Variants in PRDM10 observed in about 807,000 individuals in gnomAD.
PRDM10 encodes PR/SET domain 10, also known as PR domain zinc finger protein 10.
Under a neutral mutation model 133.1 loss-of-function variants are expected in PRDM10, and 65 were observed. That is an observed-to-expected ratio of 0.49 (90% CI 0.40 to 0.60). The LOEUF is 0.60. Ranked by LOEUF, PRDM10 falls within the 20% of genes least tolerant of loss-of-function variation. The pLI is 0.00. For synonymous variants in PRDM10, 582 were observed against 580.4 expected, an observed-to-expected ratio of 1.00 and a Z score of -0.04; for missense variants, 1,137 against 1,507.1, an observed-to-expected ratio of 0.75 and a Z score of 4.07.
chr11:129,978,495 C>T (rs987621375), intron 1 of PRDM10, among the ~76,000 whole-genome samples: 2 of 152,180 alleles, frequency 1.3e-5, no homozygotes, highest in Non-Finnish European at 2.9e-5. Context: ...ACTGTATAAC[C>T]AGAAGAGAAC....
chr11:129,906,830 T>C (rs904636175), intron 19 of PRDM10, among the ~76,000 whole-genome samples: 10 of 151,850 alleles, frequency 6.6e-5, no homozygotes, highest in African/African-American at 2.4e-4. Flanking sequence ...ATACAAAAAT[T>C]AGCCAGGCAT....
At chr11:129,978,335 T>A (rs887347536) in intron 1 of PRDM10, among the ~76,000 whole-genome samples, 1 of 152,168 alleles carries the variant, frequency 6.6e-6, no homozygotes, top group Non-Finnish European at 1.5e-5. Context: ...AAAAAAGCCT[T>A]CAGAAACTGG....
chr11:129,940,897 T>C (rs1166137458), intron 7 of PRDM10, among the ~76,000 whole-genome samples: 1 of 152,246 alleles, frequency 6.6e-6, no homozygotes, highest in Non-Finnish European at 1.5e-5. Flanking sequence ...AACTGTTATA[T>C]TCTTATTTGT....
chr11:129,977,149 A>G (rs1937804089), intron 1 of PRDM10, among the ~76,000 whole-genome samples: 2 of 151,972 alleles, frequency 1.3e-5, no homozygotes, highest in African/African-American at 4.8e-5. Context: ...GGCCAGCCTG[A>G]GTCCCTCCAG....
intron 2 of PRDM10, among the ~76,000 whole-genome samples, chr11:129,958,503 G>C (rs1473730346): frequency 2.0e-5 from 3 of 152,178 alleles, no homozygotes; most frequent in African/African-American, 7.2e-5. Context: ...AATTAGCTGG[G>C]CATGGTGGGG....
chr11:129,910,258 T>C (rs889961122), intron 19 of PRDM10, among the ~76,000 whole-genome samples: 1 of 152,194 alleles, frequency 6.6e-6, no homozygotes, highest in Non-Finnish European at 1.5e-5. Context: ...CCTCCAGCAA[T>C]ATACCTGACG....
chr11:129,962,770 A>G (rs1028648444), intron 1 of PRDM10, among the ~76,000 whole-genome samples: 63 of 152,328 alleles, frequency 4.1e-4, no homozygotes, highest in African/African-American at 1.5e-3. Context: ...ATTTAAAAAT[A>G]TATACAAAGA....
chr11:129,921,398 G>A (rs1163453239), intron 13 of PRDM10, among the ~76,000 whole-genome samples: 3 of 152,166 alleles, frequency 2.0e-5, no homozygotes, highest in African/African-American at 7.2e-5. Context: ...CAAGGAGAGA[G>A]AGTATGCCAC....
rs996369099 is a variant in PRDM10, at chr11:129,945,154, C to T, written c.521-142G>A. 7 of 998,230 alleles carry T rather than the reference C, an allele frequency of 7.0e-6. No individual in the cohort carries two copies. The highest frequency in any genetic ancestry group is 1.5e-5 in the South Asian group (1 of 64,776). The allele number at this position is 998,230 out of a possible 1,614,324, so 61.8% of individuals were successfully genotyped here. The stretch of plus-strand genomic sequence containing the variant: ...ACTCCTAATGGCGCTACCCATTCAA[C>T]GGTAATACATTCTCTCTGGGAGACC... On this transcript the variant is annotated intron_variant, in intron 5 of 20. Coordinates refer to ENST00000360871, the MANE Select transcript of PRDM10 (RefSeq NM_199437.2). The surrounding 1 kb of genome is among the most constrained non-coding windows in gnomAD (Gnocchi z 4.2).
At chr11:129,903,996 G>T (rs977950160) in intron 20 of PRDM10, among the ~76,000 whole-genome samples, 4 of 151,828 alleles carry the variant, frequency 2.6e-5, no homozygotes, top group African/African-American at 9.7e-5. Context: ...GTCCTACAGG[G>T]AACAAAAAAT....
intron 4 of PRDM10, among the ~76,000 whole-genome samples, chr11:129,953,426 T>C (rs1459723893): frequency 6.6e-6 from 1 of 152,024 alleles, no homozygotes; most frequent in Admixed American, 6.6e-5. Context: ...CCCGAGTAGC[T>C]GGGATTACAG....
intron 3 of PRDM10, among the ~76,000 whole-genome samples, chr11:129,956,216 G>T (rs1480268431): frequency 2.0e-5 from 3 of 152,150 alleles, no homozygotes; most frequent in African/African-American, 4.8e-5. Flanking sequence ...TGTAGCCAGG[G>T]CACCACAGTT....
Position 129,910,460 on chromosome 11 carries a change from G to A in PRDM10, c.3163+16C>T, listed in dbSNP as rs778778503. The A allele has an allele frequency of 5.6e-6, 9 of 1,613,476 alleles. No homozygotes were observed. The highest frequency in any genetic ancestry group is 2.2e-5 in the South Asian group (2 of 91,042). On this transcript the variant is annotated intron_variant, in intron 19 of 20. Transcript: ENST00000360871. Reference sequence around the variant, plus strand: ...CCCCACCCCTGACCGACACGGCATCGTCCCTTCTTACTTACAATAGCCACG... The same window carrying A: ...CCCCACCCCTGACCGACACGGCATCATCCCTTCTTACTTACAATAGCCACG...
In PRDM10 at chr11:129,999,238, G is replaced by T. The variant is rs1591713577; in HGVS notation, c.-119+3484C>A. 2.6e-5 allele frequency among the ~76,000 whole-genome samples: 4 copies of T among 152,156 alleles called. No homozygotes were observed. The East Asian group carries it at 7.7e-4, about 29-fold the overall frequency. On this transcript the variant is annotated intron_variant, in intron 1 of 20. Coordinates refer to ENST00000360871, the MANE Select transcript of PRDM10 (RefSeq NM_199437.2). ...CAGCGAAGAGATAAGTGTCACCAATGAGGGCCAAAATAAGTCACGAAAAGT... is the reference window on the plus strand; with the variant it reads ...CAGCGAAGAGATAAGTGTCACCAATTAGGGCCAAAATAAGTCACGAAAAGT...
Position 129,902,395 on chromosome 11 carries a change from C to T in PRDM10, c.3389G>A (p.Ser1130Asn). The T allele has an allele frequency of 6.2e-7, 1 of 1,614,134 alleles. No individual in the cohort carries two copies. The highest frequency in any genetic ancestry group is 8.5e-7 in the Non-Finnish European group (1 of 1,179,998). The change falls in exon 21 of 21, where the codon AGC (serine) becomes AAC (asparagine). Residue 1130 changes from serine (S) to asparagine (N), a missense_variant. By Grantham distance (46) the Ser-to-Asn change is conservative. This residue lies in a region of PRDM10 where 243 missense variants were observed against 259.2 expected (regional missense o/e 0.94). Coordinates refer to ENST00000360871, the MANE Select transcript of PRDM10 (RefSeq NM_199437.2). ...HSDSLDPQTN[S>N]QQQTTQYIIT... is the part of the protein sequence containing the mutation. ...GATGTACTGTGTGGTCTGCTGTTGG[C>T]TGTTGGTCTGGGGGTCCAGGGAGTC...
intron 17 of PRDM10, among the ~76,000 whole-genome samples, chr11:129,912,692 C>A (rs1461327125): frequency 1.3e-5 from 2 of 150,202 alleles, no homozygotes; most frequent in African/African-American, 4.9e-5. Context: ...GCGGAGCTTG[C>A]AGTGAGCTGG....
intron 13 of PRDM10, among the ~76,000 whole-genome samples, chr11:129,920,805 A>G (rs1405554697): frequency 1.3e-5 from 2 of 151,888 alleles, no homozygotes; most frequent in African/African-American, 4.8e-5. Context: ...AATCCCTCTC[A>G]CAGCATTTTT....
At chr11:129,909,185 C>T (rs962429065) in intron 19 of PRDM10, among the ~76,000 whole-genome samples, 11 of 151,888 alleles carry the variant, frequency 7.2e-5, no homozygotes, top group African/African-American at 2.7e-4. Context: ...CACAGTGGCT[C>T]ATGCCTGTAA....
intron 1 of PRDM10, among the ~76,000 whole-genome samples, chr11:129,994,569 T>C (rs1938939711): frequency 6.6e-6 from 1 of 151,778 alleles, no homozygotes. Context: ...ACCCAGGAGT[T>C]AGAGACCAGC....
Sources: allele counts gnomAD v4.1 joint callset (sites outside exome capture counted in the v4.1 genomes callset), GRCh38; gene constraint gnomAD v4.1.1; regional missense constraint gnomAD v4.1.1; non-coding constraint Gnocchi (gnomAD v3.1); transcripts MANE v1.5; gene names NCBI Gene and HGNC (gene_info 2026-07-23, HGNC 2026-07-21).